SVOP: variants seen among roughly 807,000 people sequenced by gnomAD.
SVOP encodes SV2 related protein.
Under a neutral mutation model 69.1 loss-of-function variants are expected in SVOP, and 17 were observed. The observed-to-expected ratio is 0.25, with a 90% confidence interval of 0.17 to 0.37. The LOEUF (loss-of-function observed/expected upper bound fraction) is 0.37, where lower values mean the gene tolerates loss of function less well. SVOP is among the 10% of genes least tolerant of loss of function. SVOP has a pLI of 1.00. For missense variants in SVOP, 435 were observed against 597.5 expected, an observed-to-expected ratio of 0.73 and a Z score of 2.84; for synonymous variants, 238 against 238.6, an observed-to-expected ratio of 1.00 and a Z score of 0.02.
chr12:108,976,848 C>G (rs1225159098), intron 4 of SVOP, among the ~76,000 whole-genome samples: 13 of 152,170 alleles, frequency 8.5e-5, no homozygotes, highest in Admixed American at 8.5e-4. Context: ...CTCCTGACCT[C>G]AGGTGGTCCA....
intron 6 of SVOP, among the ~76,000 whole-genome samples, chr12:108,950,242 T>C (rs1180017595): frequency 6.7e-6 from 1 of 149,268 alleles, no homozygotes; most frequent in Non-Finnish European, 1.5e-5. Context: ...TTTCTTTTTC[T>C]TTCTTTTTTT....
At position 108,919,675 on chromosome 12, in the gene SVOP, C is replaced by A; in HGVS notation, c.1268G>T (p.Arg423Ile). ...ATACCTAGGCTTGCAGATCACCTACCTTCCAACACAGATAAACAGCAGGAG... is the reference window on the plus strand; with the variant it reads ...ATACCTAGGCTTGCAGATCACCTACATTCCAACACAGATAAACAGCAGGAG... ...CSLLLFICVGRNVLTLLLFIA... is the reference protein window; with the variant it reads ...CSLLLFICVGINVLTLLLFIA... The change falls in exon 13 of 16, where the codon AGA becomes ATA. Residue 423 changes from arginine (R) to isoleucine (I), a missense_variant and splice_region_variant. By Grantham distance (97) the Arg-to-Ile change is moderately conservative. Coordinates refer to ENST00000610966, the MANE Select transcript of SVOP (RefSeq NM_018711.5). 6.3e-7 allele frequency: 1 copy of A among 1,597,578 alleles called. No homozygotes were observed. Among genetic ancestry groups the A allele is most frequent in the South Asian group, 1.1e-5 (1 of 88,152 alleles).
chr12:108,928,706 A>C lies in SVOP; in HGVS notation c.1048+5489T>G, dbSNP rs1408960099. On this transcript the variant is annotated intron_variant, in intron 11 of 15. Coordinates refer to ENST00000610966, the MANE Select transcript of SVOP (RefSeq NM_018711.5). ...TTCAGCCTCCCAAGTAGCTGGGAAC[A>C]CAGATGCACGCCACCACACTCGGCT... Among the ~76,000 whole-genome samples the C allele has an allele frequency of 5.3e-5, 8 of 152,006 alleles. No homozygotes were observed. In the East Asian group the frequency reaches 1.5e-3, roughly 29 times the overall value.
At chr12:108,937,698 T>C (rs1214350971) in intron 9 of SVOP, among the ~76,000 whole-genome samples, 3 of 152,090 alleles carry the variant, frequency 2.0e-5, no homozygotes, top group Non-Finnish European at 4.4e-5. Flanking sequence ...CACACACACA[T>C]GTGCCTTCCC....
intron 1 of SVOP, among the ~76,000 whole-genome samples, chr12:109,015,299 A>C (rs988979735): frequency 1.3e-5 from 2 of 152,172 alleles, no homozygotes; most frequent in Non-Finnish European, 1.5e-5. Flanking sequence ...TTTTTGAGCC[A>C]AGGAAGGACA....
At chr12:108,987,709 G>C (rs2040173479) in intron 1 of SVOP, among the ~76,000 whole-genome samples, 1 of 152,082 alleles carries the variant, frequency 6.6e-6, no homozygotes, top group African/African-American at 2.4e-5. Flanking sequence ...CTTATTATGT[G>C]CTTATTGGCC....
intron 11 of SVOP, among the ~76,000 whole-genome samples, chr12:108,929,645 C>T (rs948338795): frequency 6.6e-6 from 1 of 152,156 alleles, no homozygotes; most frequent in Non-Finnish European, 1.5e-5. Flanking sequence ...ACCATCTTAT[C>T]CTTGACATTT....
chr12:109,007,147 C>CT (rs1356771870), intron 1 of SVOP, among the ~76,000 whole-genome samples: 4 of 152,178 alleles, frequency 2.6e-5, no homozygotes, highest in Admixed American at 6.6e-5. Flanking sequence ...AAGGGATCAC[C>CT]TTGTTTGGGG....
rs2039737621 is a variant in SVOP at position 108,919,784 on chromosome 12, C to T, written c.1159G>A (p.Val387Ile). The T allele has an allele frequency of 3.8e-6, 6 of 1,589,320 alleles. No individual in the cohort carries two copies. Among genetic ancestry groups the T allele is most frequent in the South Asian group, 2.3e-5 (2 of 87,288 alleles). ...LWTTLSEFPGVLVTLWIIDRL... is the reference protein window; with the variant it reads ...LWTTLSEFPGILVTLWIIDRL... Reference sequence around the variant, plus strand: ...TCAATAATCCACAGAGTCACAAGGACACCTGGAAGGGGAGTGGGGAGAGAT... The same window carrying T: ...TCAATAATCCACAGAGTCACAAGGATACCTGGAAGGGGAGTGGGGAGAGAT... Residue 387 changes from valine (V) to isoleucine (I), a missense_variant and splice_region_variant, in exon 13 of 16, where the codon GTC becomes ATC. Coordinates refer to ENST00000610966, the MANE Select transcript of SVOP (RefSeq NM_018711.5).
intron 1 of SVOP, among the ~76,000 whole-genome samples, chr12:109,012,021 G>A (rs1353854248): frequency 6.6e-6 from 1 of 152,192 alleles, no homozygotes; most frequent in Non-Finnish European, 1.5e-5. Context: ...AGTGGCTCAT[G>A]CCTCTAATCC....
Position 108,908,888 on chromosome 12 carries a change from C to T in SVOP, c.*3647G>A, listed in dbSNP as rs1431422568. On this transcript the variant is annotated 3_prime_UTR_variant, in exon 16 of 16. Coordinates refer to ENST00000610966, the MANE Select transcript of SVOP (RefSeq NM_018711.5). ...TTCCTTCCAGCCCTACAGCAGGACT[C>T]ATGCTGGGATGGGCATGACACCCAG... The T allele has an allele frequency of 6.6e-6, 1 of 152,216 alleles. No individual in the cohort carries two copies. The highest frequency in any genetic ancestry group is 1.5e-5 in the Non-Finnish European group (1 of 68,052). 9.4% of individuals were successfully genotyped at this position (152,216 alleles called of 1,614,324 possible).
At chr12:108,992,165 C>CATATTTAATCCCCAAA (rs2040205771) in intron 1 of SVOP, among the ~76,000 whole-genome samples, 1 of 152,096 alleles carries the variant, frequency 6.6e-6, no homozygotes, top group African/African-American at 2.4e-5. Flanking sequence ...AAATAACAGG[C>CATATTTAATCCCCAAA]TCCCCAAATT....
intron 1 of SVOP, among the ~76,000 whole-genome samples, chr12:108,986,938 A>G (rs2040169098): frequency 6.6e-6 from 1 of 152,190 alleles, no homozygotes; most frequent in South Asian, 2.1e-4. Context: ...GCCGTAAGTC[A>G]GGTGTCCTAG....
chr12:108,945,236 G>T, intron 6 of SVOP, 70 bp from the exon 7 acceptor site: 1 of 1,464,590 alleles, frequency 6.8e-7, no homozygotes, highest in Non-Finnish European at 9.2e-7. Context: ...ACCGTTTTCT[G>T]AATTTGCAGC....
At chr12:108,979,782 T>A (rs2137435684) in intron 2 of SVOP, among the ~76,000 whole-genome samples, 1 of 152,338 alleles carries the variant, frequency 6.6e-6, no homozygotes, top group African/African-American at 2.4e-5. Context: ...TGAGAATTTC[T>A]TTAATGTCTG....
intron 6 of SVOP, among the ~76,000 whole-genome samples, chr12:108,950,985 T>A (rs778701456): frequency 1.3e-5 from 2 of 152,202 alleles, no homozygotes; most frequent in Non-Finnish European, 2.9e-5. Flanking sequence ...GATTCTGGCA[T>A]AAATAAATTC....
chr12:108,952,230 C>CTTTTTTTTT (rs36191772), intron 6 of SVOP, among the ~76,000 whole-genome samples: 24 of 98,356 alleles, frequency 2.4e-4, no homozygotes, highest in Admixed American at 8.7e-4. Flanking sequence ...TTTCTTTTCT[C>CTTTTTTTTT]TTTTTTTTTT....
At chr12:109,007,886 A>C (rs955753321) in intron 1 of SVOP, among the ~76,000 whole-genome samples, 5 of 152,054 alleles carry the variant, frequency 3.3e-5, no homozygotes, top group Non-Finnish European at 7.4e-5. Context: ...AAAAATTAAA[A>C]AATTAGCTGA....
At chr12:108,997,174 C>T (rs2040238624) in intron 1 of SVOP, among the ~76,000 whole-genome samples, 2 of 152,306 alleles carry the variant, frequency 1.3e-5, no homozygotes, top group South Asian at 4.1e-4. Flanking sequence ...AGGGAGTTCC[C>T]TTTCTGAGTC....
Sources: gnomAD v4.1 joint callset for allele counts (sites outside exome capture counted in the v4.1 genomes callset) on GRCh38, gnomAD v4.1.1 for gene constraint, MANE v1.5 for transcripts, NCBI Gene and HGNC (gene_info 2026-07-23, HGNC 2026-07-21) for gene names.